FAT3: variants seen among roughly 807,000 people sequenced by gnomAD.
FAT3 encodes FAT atypical cadherin 3.
In FAT3, 95 loss-of-function variants were observed where a neutral mutation model predicts 310.2. The ratio of observed to expected loss-of-function variants is 0.31; its 90% CI spans 0.26 to 0.36. The LOEUF is 0.36. Ranked by LOEUF, FAT3 falls within the 10% of genes least tolerant of loss-of-function variation. FAT3 has a pLI of 1.00. For missense variants in FAT3, 5,408 were observed against 5,715.6 expected, an observed-to-expected ratio of 0.95 and a Z score of 1.74; for synonymous variants, 2,314 against 2,192.9, an observed-to-expected ratio of 1.06 and a Z score of -1.54.
chr11:92,508,699 C>T (rs972616487), intron 2 of FAT3, among the ~76,000 whole-genome samples: 5 of 152,030 alleles, frequency 3.3e-5, no homozygotes, highest in Admixed American at 2.6e-4. Context: ...AACCTTTTTT[C>T]CAAGTGTAAC....
chr11:92,875,379 T>C (rs1352614253), intron 22 of FAT3, among the ~76,000 whole-genome samples: 2 of 86,218 alleles, frequency 2.3e-5, no homozygotes, highest in Non-Finnish European at 5.2e-5. Flanking sequence ...TTGTTAGAAA[T>C]ACAGTTCAGG....
intron 8 of FAT3, among the ~76,000 whole-genome samples, chr11:92,790,706 C>A (rs752043993): frequency 3.3e-5 from 5 of 152,174 alleles, no homozygotes; most frequent in Non-Finnish European, 7.3e-5. Context: ...CAAAAGAGAT[C>A]TCAATACATG....
chr11:92,815,421 A>T (rs998664871), intron 13 of FAT3, among the ~76,000 whole-genome samples: 2 of 151,986 alleles, frequency 1.3e-5, no homozygotes, highest in African/African-American at 2.4e-5. Flanking sequence ...AAAATACAAA[A>T]AATTCGCCGG....
chr11:92,345,401 A>C (rs942408342), intron 1 of FAT3, among the ~76,000 whole-genome samples: 2 of 152,192 alleles, frequency 1.3e-5, no homozygotes, highest in African/African-American at 4.8e-5. Flanking sequence ...GGTAGGTAGA[A>C]ATAAAATACA....
At chr11:92,501,890 C>T (rs888028467) in intron 2 of FAT3, among the ~76,000 whole-genome samples, 2 of 151,940 alleles carry the variant, frequency 1.3e-5, no homozygotes, top group Non-Finnish European at 2.9e-5. Flanking sequence ...TCTGTGCCCA[C>T]ATGATGTACT....
chr11:92,383,012 C>A (rs1949536074), intron 2 of FAT3, among the ~76,000 whole-genome samples: 1 of 152,168 alleles, frequency 6.6e-6, no homozygotes, highest in Non-Finnish European at 1.5e-5. Flanking sequence ...CTACAAGCCT[C>A]AGTGTGTGTC....
chr11:92,630,516 G>C (rs956402287), intron 3 of FAT3, among the ~76,000 whole-genome samples: 5 of 152,112 alleles, frequency 3.3e-5, no homozygotes, highest in Admixed American at 6.6e-5. Context: ...CAGCTCCTTA[G>C]GCTCAGCTTG....
chr11:92,339,420 A>G (rs1948180647), intron 1 of FAT3, among the ~76,000 whole-genome samples: 2 of 152,182 alleles, frequency 1.3e-5, no homozygotes, highest in South Asian at 2.1e-4. Flanking sequence ...AGCACCTACT[A>G]TGTGCCCAGT....
intron 3 of FAT3, among the ~76,000 whole-genome samples, chr11:92,572,577 A>G (rs968947666): frequency 6.6e-5 from 10 of 152,226 alleles, no homozygotes; most frequent in African/African-American, 2.2e-4. Context: ...CGCATGTAGC[A>G]ATGCATTATT....
At chr11:92,853,194 C>T (rs1031244346) in intron 19 of FAT3, among the ~76,000 whole-genome samples, 2 of 152,212 alleles carry the variant, frequency 1.3e-5, no homozygotes, top group Admixed American at 6.5e-5. Flanking sequence ...GCATGGGGTT[C>T]GGCCACTGTG....
At chr11:92,497,773 G>A (rs75306918) in intron 2 of FAT3, among the ~76,000 whole-genome samples, 4,522 of 152,106 alleles carry the variant, frequency 0.03, 214 homozygotes, top group African/African-American at 0.1. Context: ...GGAGGAGAGA[G>A]GGCTTTTCTA....
intron 3 of FAT3, among the ~76,000 whole-genome samples, chr11:92,528,448 A>G (rs1017349158): frequency 3.3e-5 from 5 of 152,096 alleles, no homozygotes; most frequent in Admixed American, 6.6e-5. Context: ...GTGCATTGGC[A>G]CGATCTCGGC....
chr11:92,800,477 G>A lies in FAT3; in HGVS notation c.7464G>A (p.Gly2488=). 6.2e-7 allele frequency: 1 copy of A among 1,613,948 alleles called. No homozygotes were observed. ...CACAGGTGCATATTAGGGTACTTGGGGCTAACTTGTACAGCCCTGCCTTTT... is the reference window on the plus strand; with the variant it reads ...CACAGGTGCATATTAGGGTACTTGGAGCTAACTTGTACAGCCCTGCCTTTT... ...STAQVHIRVL[G]ANLYSPAFSQ... is the part of the protein sequence containing the mutation. Residue 2488 remains glycine, a synonymous_variant, in exon 10 of 28, where the codon GGG becomes GGA. Coordinates refer to ENST00000525166, the MANE Select transcript of FAT3 (RefSeq NM_001367949.2).
intron 1 of FAT3, among the ~76,000 whole-genome samples, chr11:92,272,261 G>GA (rs1042940024): frequency 2.6e-5 from 4 of 152,046 alleles, no homozygotes; most frequent in African/African-American, 9.7e-5. Context: ...CACCTGCATG[G>GA]AAAGCTCCAA....
chr11:92,342,037 A>G (rs1344638367), intron 1 of FAT3, among the ~76,000 whole-genome samples: 3 of 152,106 alleles, frequency 2.0e-5, no homozygotes, highest in Non-Finnish European at 1.5e-5. Context: ...TTCTTGGGGG[A>G]CGTTTAGCCA....
chr11:92,800,657 C>T lies in FAT3; in HGVS notation c.7644C>T (p.Ser2548=). The part of the protein sequence containing the change: ...DFAKDRFLID[S]NGQVITTERL... ...CCAAGGATCGATTCCTCATAGACAG[C>T]AATGGGCAGGTCATCACCACAGAAA... Residue 2548 remains serine (S), a synonymous_variant, in exon 10 of 28, where the codon AGC becomes AGT. Coordinates refer to ENST00000525166, the MANE Select transcript of FAT3 (RefSeq NM_001367949.2). 1 of 1,613,752 alleles carries T rather than the reference C, an allele frequency of 6.2e-7. No homozygotes were observed. The highest frequency in any genetic ancestry group is 8.5e-7 in the Non-Finnish European group (1 of 1,179,794).
chr11:92,557,989 T>G (rs1955081991), intron 3 of FAT3, among the ~76,000 whole-genome samples: 1 of 152,202 alleles, frequency 6.6e-6, no homozygotes, highest in Non-Finnish European at 1.5e-5. Context: ...GCTTCTTTTA[T>G]TTGGCCAGGC....
intron 1 of FAT3, among the ~76,000 whole-genome samples, chr11:92,251,430 A>T (rs1173312107): frequency 2.0e-5 from 3 of 152,184 alleles, no homozygotes; most frequent in African/African-American, 7.2e-5. Context: ...AGGCAAAAAA[A>T]GCAGGTACTT....
intron 3 of FAT3, among the ~76,000 whole-genome samples, chr11:92,567,845 A>G (rs955407622): frequency 7.3e-5 from 10 of 137,810 alleles, no homozygotes; most frequent in African/African-American, 2.7e-4. Context: ...ATGAGAACAC[A>G]TGGACACAGG....
Sources: gnomAD v4.1 joint callset for allele counts (sites outside exome capture counted in the v4.1 genomes callset) on GRCh38, gnomAD v4.1.1 for gene constraint, MANE v1.5 for transcripts, NCBI Gene and HGNC (gene_info 2026-07-23, HGNC 2026-07-21) for gene names.